The following STPG2 variants were observed in gnomAD, a reference collection of about 807,000 sequenced individuals.
STPG2 encodes sperm tail PG-rich repeat containing 2, also known as sperm-tail PG-rich repeat-containing protein 2.
In STPG2, 56 loss-of-function variants were observed where a neutral mutation model predicts 54.2. The observed-to-expected ratio is 1.03, with a 90% confidence interval of 0.83 to 1.29. The LOEUF is 1.29. Ranked by LOEUF, STPG2 falls within the 50% of genes most tolerant of loss-of-function variation. The pLI, the probability that STPG2 is intolerant of heterozygous loss-of-function variation, is 0.00. For synonymous variants in STPG2, 200 were observed against 181.8 expected (o/e 1.10, Z -0.81); for missense variants, 596 against 544.9 (o/e 1.09, Z -0.93).
intron 7 of STPG2, among the ~76,000 whole-genome samples, chr4:97,963,728 C>T (rs112432072): frequency 2.6e-5 from 4 of 151,376 alleles, no homozygotes; most frequent in African/African-American, 7.3e-5. Flanking sequence ...TTGAAATATA[C>T]ATACACACAT....
At chr4:97,490,328 C>T (rs568476606) in intron 4 of STPG2, among the ~76,000 whole-genome samples, 2 of 151,510 alleles carry the variant, frequency 1.3e-5, no homozygotes, top group African/African-American at 4.8e-5. Flanking sequence ...AAAGCCAATG[C>T]GTTCTTTCAG....
At chr4:97,593,514 A>G (rs1733200085) in intron 10 of STPG2, among the ~76,000 whole-genome samples, 1 of 152,048 alleles carries the variant, frequency 6.6e-6, no homozygotes. Flanking sequence ...CCACCTCCCC[A>G]TGCCAACACC....
chr4:97,924,747 C>T (rs1021597660), intron 8 of STPG2, among the ~76,000 whole-genome samples: 2 of 152,036 alleles, frequency 1.3e-5, no homozygotes, highest in African/African-American at 2.4e-5. Context: ...GATAATAATA[C>T]CATATTATAA....
At position 97,997,542 on chromosome 4, in the gene STPG2, C is replaced by G. The variant is rs531134317; in HGVS notation, c.613-16224G>C. Among the ~76,000 whole-genome samples, 21 of 152,302 alleles carry G rather than the reference C, an allele frequency of 1.4e-4. No individual in the cohort carries two copies. In the South Asian group the frequency reaches 4.1e-3, roughly 30 times the overall value. The stretch of plus-strand genomic sequence containing the variant: ...GAAATCCTTCCTTATGATTCAATCA[C>G]CTCCCACCAAGTCCCACTTTCCAAC... On this transcript the variant is annotated intron_variant, in intron 5 of 10. Transcript: ENST00000295268.
At position 97,779,441 on chromosome 4, in the gene STPG2, AAAT is replaced by A. The variant is rs563593006; in HGVS notation, c.1204+61329_1204+61331del. Among the ~76,000 whole-genome samples the A allele has an allele frequency of 6.8e-3, 1,040 of 152,290 alleles. 3 individuals carry two copies. The highest frequency in any genetic ancestry group is 9.2e-3 in the African/African-American group (382 of 41,566). On this transcript the variant is annotated intron_variant, in intron 9 of 10. Coordinates refer to ENST00000295268, the MANE Select transcript of STPG2 (RefSeq NM_174952.3). ...AGAAATACACGACTATGTATAGACC[AAAT>A]CTATATCTGATCGGTGTACCTGAAA...
intron 9 of STPG2, among the ~76,000 whole-genome samples, chr4:97,787,824 T>C (rs1007198508): frequency 6.6e-6 from 1 of 151,854 alleles, no homozygotes. Context: ...GCTCAGTAAC[T>C]TATGTATCTT....
intron 8 of STPG2, among the ~76,000 whole-genome samples, chr4:97,901,784 C>A (rs775530584): frequency 6.6e-6 from 1 of 151,568 alleles, no homozygotes; most frequent in Admixed American, 6.6e-5. Context: ...CAAAATTTCA[C>A]GACATTTTTC....
intron 10 of STPG2, among the ~76,000 whole-genome samples, chr4:97,608,906 G>T (rs1457248116): frequency 6.6e-6 from 1 of 151,994 alleles, no homozygotes; most frequent in African/African-American, 2.4e-5. Context: ...CAGATTCTCA[G>T]CTCCCTGAAA....
chr4:97,993,517 G>A (rs1449216937), intron 5 of STPG2, among the ~76,000 whole-genome samples: 3 of 151,490 alleles, frequency 2.0e-5, no homozygotes, highest in African/African-American at 7.3e-5. Context: ...GTGTTCATCA[G>A]GGATATTGGT....
intron 4 of STPG2, among the ~76,000 whole-genome samples, chr4:97,479,249 T>G (rs1197718123): frequency 1.3e-5 from 2 of 151,902 alleles, no homozygotes; most frequent in African/African-American, 4.8e-5. Context: ...TCACTGATCG[T>G]ATATATGGGT....
At chr4:97,535,517 C>T (rs573409535) in intron 4 of STPG2, among the ~76,000 whole-genome samples, 1 of 152,244 alleles carries the variant, frequency 6.6e-6, no homozygotes, top group Non-Finnish European at 1.5e-5. Flanking sequence ...TATTATCCCC[C>T]TATATAGAAT....
chr4:97,776,219 T>G (rs926452986), intron 9 of STPG2, among the ~76,000 whole-genome samples: 7 of 152,252 alleles, frequency 4.6e-5, no homozygotes, highest in Non-Finnish European at 7.3e-5. Context: ...TATATTTAAA[T>G]GTACTAGGAA....
chr4:97,799,645 C>G (rs1727315617), intron 9 of STPG2, among the ~76,000 whole-genome samples: 1 of 152,198 alleles, frequency 6.6e-6, no homozygotes, highest in Admixed American at 6.5e-5. Context: ...TTTGGTGAAA[C>G]TGACAATTAT....
At chr4:97,907,307 C>T (rs1367106711) in intron 8 of STPG2, among the ~76,000 whole-genome samples, 1 of 151,974 alleles carries the variant, frequency 6.6e-6, no homozygotes, top group Non-Finnish European at 1.5e-5. Flanking sequence ...ATCCAACTTA[C>T]AAGGGATGTG....
chr4:97,487,965 C>T (rs1045313226), intron 4 of STPG2, among the ~76,000 whole-genome samples: 1 of 151,152 alleles, frequency 6.6e-6, no homozygotes, highest in East Asian at 1.9e-4. Flanking sequence ...ATAAAAGAAA[C>T]CTATGTATTT....
At chr4:97,749,372 T>G (rs1725512981) in intron 9 of STPG2, among the ~76,000 whole-genome samples, 1 of 151,744 alleles carries the variant, frequency 6.6e-6, no homozygotes, top group Non-Finnish European at 1.5e-5. Flanking sequence ...TCACCCATTA[T>G]TCACTGTTTT....
intron 5 of STPG2, among the ~76,000 whole-genome samples, chr4:98,077,129 T>C (rs1258104026): frequency 2.6e-5 from 4 of 152,220 alleles, no homozygotes; most frequent in African/African-American, 9.7e-5. Context: ...AACACTTGTG[T>C]ATTTTTGTAT....
At chr4:97,784,583 A>G (rs260897) in intron 9 of STPG2, among the ~76,000 whole-genome samples, 24,458 of 151,928 alleles carry the variant, frequency 0.16, 2,136 homozygotes, top group East Asian at 0.36. Flanking sequence ...TAGTAGTAAA[A>G]AAGAAAAAAA....
At chr4:97,642,016 C>G (rs1367897894) in intron 10 of STPG2, among the ~76,000 whole-genome samples, 1 of 151,358 alleles carries the variant, frequency 6.6e-6, no homozygotes, top group Non-Finnish European at 1.5e-5. Context: ...ACTTATTATG[C>G]TCTAACCAAT....
Sources: allele counts gnomAD v4.1 joint callset (sites outside exome capture counted in the v4.1 genomes callset), GRCh38; gene constraint gnomAD v4.1.1; transcripts MANE v1.5; gene names NCBI Gene and HGNC (gene_info 2026-07-23, HGNC 2026-07-21).